Variants in CUL3 observed in about 807,000 individuals in gnomAD.
The protein encoded by CUL3 is cullin-3.
CUL3 carries 19 observed loss-of-function variants against 89.1 expected under a neutral mutation model. The observed-to-expected ratio is 0.21, with a 90% CI of 0.15 to 0.31. The LOEUF (loss-of-function observed/expected upper bound fraction) is 0.31. Ranked by LOEUF, CUL3 falls within the 10% of genes least tolerant of loss-of-function variation. CUL3 has a pLI of 1.00. For synonymous variants in CUL3, 351 were observed against 308.4 expected (o/e 1.14, Z -1.45); for missense variants, 469 against 942.3 (o/e 0.50, Z 6.58).
chr2:224,524,574 T>C (rs978657651), intron 3 of CUL3, among the ~76,000 whole-genome samples: 2 of 152,166 alleles, frequency 1.3e-5, no homozygotes, highest in African/African-American at 4.8e-5. Context: ...GCTCTGTGAA[T>C]AGGTATGTCC....
Position 224,514,680 on chromosome 2 carries a change from A to G in CUL3, c.471T>C (p.Ile157=). Reference sequence around the variant, plus strand: ...ATAGAGTTTGCCGTAGATGATCCCTAATACACCCATAACGTACAACTTGAT... The same window carrying G: ...ATAGAGTTTGCCGTAGATGATCCCTGATACACCCATAACGTACAACTTGAT... ...FRDQVVRYGC[I]RDHLRQTLLD... The change falls in exon 4 of 16, where the codon ATT becomes ATC. Residue 157 remains isoleucine, a synonymous_variant. Transcript: ENST00000264414. 1 of 1,613,632 alleles carries G rather than the reference A, an allele frequency of 6.2e-7. No individual in the cohort carries two copies. The highest frequency in any genetic ancestry group is 8.5e-7 in the Non-Finnish European group (1 of 1,179,698).
At chr2:224,552,657 A>C (rs1574687464) in intron 2 of CUL3, among the ~76,000 whole-genome samples, 1 of 152,242 alleles carries the variant, frequency 6.6e-6, no homozygotes, top group East Asian at 1.9e-4. Flanking sequence ...AAGTACCAAC[A>C]AACTATATAA....
chr2:224,487,685 T>C (rs535604049), intron 13 of CUL3, among the ~76,000 whole-genome samples: 1 of 152,204 alleles, frequency 6.6e-6, no homozygotes, highest in East Asian at 1.9e-4. Flanking sequence ...CTGTCAATAT[T>C]AGACAGATCA....
Position 224,495,888 on chromosome 2 carries a change from T to C in CUL3, c.1786A>G (p.Thr596Ala). The C allele has an allele frequency of 1.2e-6, 2 of 1,613,634 alleles. No individual in the cohort carries two copies. Among genetic ancestry groups the C allele is most frequent in the Non-Finnish European group, 1.7e-6 (2 of 1,179,556 alleles). Reference protein sequence around the residue: ...NTRKHILQVSTFQMTILMLFN... With the variant: ...NTRKHILQVSAFQMTILMLFN... ...AGCATTAATATGGTCATCTGGAAAGTGGAAACTTGCAATATGTGCTTCCGT... is the reference window on the plus strand; with the variant it reads ...AGCATTAATATGGTCATCTGGAAAGCGGAAACTTGCAATATGTGCTTCCGT... The change falls in exon 13 of 16, where the codon ACT becomes GCT. Residue 596 changes from threonine (T) to alanine (A), a missense_variant. By Grantham distance (58) the Thr-to-Ala change is moderately conservative. Around this residue, in one of 4 missense-constraint regions of CUL3, gnomAD observed 370 missense variants for 733.2 expected, o/e 0.50. Coordinates refer to ENST00000264414, the MANE Select transcript of CUL3 (RefSeq NM_003590.5).
intron 2 of CUL3, among the ~76,000 whole-genome samples, chr2:224,538,843 C>T (rs544171217): frequency 5.4e-4 from 82 of 152,222 alleles, no homozygotes; most frequent in African/African-American, 1.8e-3. Context: ...ACAAATCAGG[C>T]AGAAAATTAG....
At chr2:224,510,298 TG>T (rs1247588958) in intron 6 of CUL3, among the ~76,000 whole-genome samples, 5 of 141,608 alleles carry the variant, frequency 3.5e-5, no homozygotes, top group Non-Finnish European at 7.6e-5. Flanking sequence ...TAGTTTTTTT[TG>T]TTTTTTTTTT....
chr2:224,559,012 C>T (rs909759343), intron 1 of CUL3, among the ~76,000 whole-genome samples: 12 of 151,402 alleles, frequency 7.9e-5, no homozygotes, highest in Non-Finnish European at 1.8e-4. Context: ...GCCAAGATCC[C>T]GCCACTGCAC....
intron 3 of CUL3, chr2:224,532,988 T>C (rs895440168): frequency 2.0e-5 from 3 of 152,234 alleles, no homozygotes; most frequent in South Asian, 4.1e-4. Context: ...TACCTGATGC[T>C]TTCTCTTTTC....
At chr2:224,486,736 G>A (rs1444437973) in intron 13 of CUL3, among the ~76,000 whole-genome samples, 1 of 152,044 alleles carries the variant, frequency 6.6e-6, no homozygotes, top group African/African-American at 2.4e-5. Context: ...TAGCAAGACA[G>A]GCCAACATTC....
chr2:224,517,467 G>A (rs1284111726), intron 3 of CUL3, among the ~76,000 whole-genome samples: 2 of 152,162 alleles, frequency 1.3e-5, no homozygotes, highest in Non-Finnish European at 2.9e-5. Context: ...GAGGTCAGGA[G>A]TTTGAGACCA....
rs1691248682 is a variant in CUL3, at chr2:224,474,575, T to A, written c.2176-199A>T. The A allele has an allele frequency of 9.6e-6, 5 of 518,378 alleles. No homozygotes were observed. In the South Asian group the frequency reaches 1.4e-4, roughly 15 times the overall value. The allele number at this position is 518,378 out of a possible 1,614,324, so 32.1% of individuals were successfully genotyped here. ...CAACACACTTCCTCAAATCAGAATG[T>A]GAATGCTAAAGTGGATAGCAGTTGA... On this transcript the variant is annotated intron_variant, in intron 15 of 15. Coordinates refer to ENST00000264414, the MANE Select transcript of CUL3 (RefSeq NM_003590.5).
chr2:224,477,222 C>T (rs1011397364), intron 15 of CUL3, among the ~76,000 whole-genome samples: 1 of 152,140 alleles, frequency 6.6e-6, no homozygotes, highest in Non-Finnish European at 1.5e-5. Context: ...GACTCTTGGG[C>T]CCTATCCTCA....
intron 2 of CUL3, among the ~76,000 whole-genome samples, chr2:224,550,772 C>CATCACTGTTG (rs1694482959): frequency 6.6e-6 from 1 of 152,204 alleles, no homozygotes; most frequent in Non-Finnish European, 1.5e-5. Flanking sequence ...TAGTGTAAAT[C>CATCACTGTTG]ATCACTGTTA....
At chr2:224,573,396 C>T (rs1409391226) in intron 1 of CUL3, among the ~76,000 whole-genome samples, 1 of 152,096 alleles carries the variant, frequency 6.6e-6, no homozygotes, top group African/African-American at 2.4e-5. Flanking sequence ...CTTTTGACTG[C>T]TTTATTCAAG....
At chr2:224,478,171 A>G (rs114067496) in intron 15 of CUL3, 29 bp downstream of exon 15, 46 of 1,554,684 alleles carry the variant, frequency 3.0e-5, no homozygotes, top group African/African-American at 8.2e-5. Flanking sequence ...TGTTTTTTCT[A>G]TATTAGCCCA....
intron 13 of CUL3, among the ~76,000 whole-genome samples, chr2:224,483,429 A>G (rs1320713356): frequency 6.6e-6 from 1 of 152,146 alleles, no homozygotes; most frequent in Non-Finnish European, 1.5e-5. Flanking sequence ...ATATAATGAG[A>G]GAGTTAAGCA....
intron 3 of CUL3, among the ~76,000 whole-genome samples, chr2:224,517,766 T>C (rs1693116623): frequency 6.6e-6 from 1 of 152,218 alleles, no homozygotes; most frequent in African/African-American, 2.4e-5. Flanking sequence ...CTAGAGGCAT[T>C]TGTGAAGTAA....
chr2:224,511,275 G>C, intron 6 of CUL3, 79 bp downstream of exon 6: 3 of 1,017,068 alleles, frequency 2.9e-6, no homozygotes, highest in Non-Finnish European at 4.4e-6. Context: ...GATATTATCT[G>C]CTTTAATTGT....
intron 5 of CUL3, among the ~76,000 whole-genome samples, chr2:224,512,134 C>T (rs182418069): frequency 2.0e-5 from 3 of 150,714 alleles, no homozygotes; most frequent in East Asian, 3.9e-4. Context: ...CTCGCTCTGT[C>T]ACCCAGGCTA....
Sources: allele counts gnomAD v4.1 joint callset (sites outside exome capture counted in the v4.1 genomes callset), GRCh38; gene constraint gnomAD v4.1.1; regional missense constraint gnomAD v4.1.1; transcripts MANE v1.5; gene names NCBI Gene and HGNC (gene_info 2026-07-23, HGNC 2026-07-21).